UGGT2: variants seen among roughly 807,000 people sequenced by gnomAD.
The protein encoded by UGGT2 is UDP-glucose glycoprotein glucosyltransferase 2.
Under a neutral mutation model 192.1 loss-of-function variants are expected in UGGT2, and 180 were observed. The ratio of observed to expected loss-of-function variants is 0.94; its 90% confidence interval spans 0.83 to 1.06. The LOEUF is 1.06. Among genes scored for constraint, UGGT2 ranks in the 50% least tolerant of loss-of-function variants. UGGT2 has a pLI of 0.00. For missense variants in UGGT2, 1,849 were observed against 1,795.7 expected, an observed-to-expected ratio of 1.03 and a Z score of -0.54; for synonymous variants, 580 against 591.0, an observed-to-expected ratio of 0.98 and a Z score of 0.27.
At chr13:95,952,159 T>C (rs1417403800) in intron 12 of UGGT2, among the ~76,000 whole-genome samples, 3 of 151,428 alleles carry the variant, frequency 2.0e-5, no homozygotes, top group Non-Finnish European at 4.4e-5. Context: ...GTTTAAGAAG[T>C]AGTGCTCTAG....
intron 38 of UGGT2, among the ~76,000 whole-genome samples, chr13:95,829,185 G>A (rs578144467): frequency 5.3e-5 from 8 of 152,080 alleles, no homozygotes; most frequent in Non-Finnish European, 1.2e-4. Flanking sequence ...TAATAAGAGC[G>A]ATTTATGACA....
intron 9 of UGGT2, among the ~76,000 whole-genome samples, chr13:95,986,062 T>A (rs1161475478): frequency 2.0e-5 from 3 of 152,142 alleles, no homozygotes; most frequent in Non-Finnish European, 4.4e-5. Context: ...CTTAGATTAC[T>A]ATGCATGATT....
intron 5 of UGGT2, among the ~76,000 whole-genome samples, chr13:96,006,610 C>T (rs1298615991): frequency 1.1e-4 from 13 of 114,598 alleles, no homozygotes; most frequent in Admixed American, 2.4e-4. Context: ...GGTGACAGAG[C>T]GAGATTCTGC....
chr13:95,979,344 A>C (rs2051039965), intron 10 of UGGT2, among the ~76,000 whole-genome samples: 1 of 152,102 alleles, frequency 6.6e-6, no homozygotes, highest in Non-Finnish European at 1.5e-5. Flanking sequence ...GTTTTTGAAT[A>C]ATCTTTGCTT....
intron 4 of UGGT2, among the ~76,000 whole-genome samples, chr13:96,013,783 G>A (rs2052241095): frequency 1.3e-5 from 2 of 152,056 alleles, no homozygotes; most frequent in Admixed American, 6.5e-5. Flanking sequence ...ATTTTATGCA[G>A]TTAGGTTATA....
chr13:95,918,129 T>C, intron 20 of UGGT2, among the ~76,000 whole-genome samples: 1 of 152,154 alleles, frequency 6.6e-6, no homozygotes, highest in Non-Finnish European at 1.5e-5. Context: ...ATCGATCACA[T>C]AATTGGAAGT....
At position 95,918,035 on chromosome 13, in the gene UGGT2, G is replaced by A. The variant is rs568797651; in HGVS notation, c.2295+7645C>T. Among the ~76,000 whole-genome samples, 4 of 152,214 alleles carry A rather than the reference G, an allele frequency of 2.6e-5. No individual in the cohort carries two copies. The South Asian group carries it at 8.3e-4, about 32-fold the overall frequency. On this transcript the variant is annotated intron_variant, in intron 20 of 38. Coordinates refer to ENST00000376747, the MANE Select transcript of UGGT2 (RefSeq NM_020121.4). ...CCTGAACTCAGCTCTGGATCAAGTG[G>A]ACTTGATAGATATTTACAGAAATCT...
In UGGT2 at chr13:96,005,364, T is replaced by C. The variant is rs535183331; in HGVS notation, c.661-6057A>G. Among the ~76,000 whole-genome samples the C allele has an allele frequency of 3.3e-5, 5 of 152,238 alleles. No homozygotes were observed. In the East Asian group the frequency reaches 5.8e-4, roughly 18 times the overall value. ...TAACGTGAGAGTGTGAAGCCCCTGG[T>C]AGCTCCAGACATAGCAAGGCTGAAA... is the stretch of plus-strand genomic sequence containing the variant. On this transcript the variant is annotated intron_variant, in intron 5 of 38. Transcript: ENST00000376747.
intron 4 of UGGT2, among the ~76,000 whole-genome samples, chr13:96,018,674 T>C (rs7990451): frequency 6.6e-6 from 1 of 151,302 alleles, no homozygotes; most frequent in African/African-American, 2.4e-5. Flanking sequence ...TTTTACGAAA[T>C]TGGGACAATG....
intron 12 of UGGT2, among the ~76,000 whole-genome samples, chr13:95,966,745 C>T (rs964878604): frequency 6.6e-6 from 1 of 151,914 alleles, no homozygotes; most frequent in East Asian, 1.9e-4. Flanking sequence ...ATAATACATA[C>T]CCATGGTTAA....
At chr13:95,924,234 G>A (rs1281318220) in intron 20 of UGGT2, among the ~76,000 whole-genome samples, 3 of 151,946 alleles carry the variant, frequency 2.0e-5, no homozygotes, top group South Asian at 4.2e-4. Context: ...TATAGAAGAA[G>A]CAACTAAATC....
At chr13:95,964,753 T>C (rs942990175) in intron 12 of UGGT2, among the ~76,000 whole-genome samples, 3 of 152,044 alleles carry the variant, frequency 2.0e-5, no homozygotes, top group Admixed American at 6.5e-5. Flanking sequence ...TGGGATCTAA[T>C]TAAACTAAAG....
At chr13:95,944,966 T>G (rs1479621953) in intron 15 of UGGT2, among the ~76,000 whole-genome samples, 1 of 152,040 alleles carries the variant, frequency 6.6e-6, no homozygotes, top group Non-Finnish European at 1.5e-5. Context: ...TTGTATATTT[T>G]GAAGCTACAT....
At chr13:95,872,309 C>CA (rs987169540) in intron 29 of UGGT2, among the ~76,000 whole-genome samples, 6 of 152,178 alleles carry the variant, frequency 3.9e-5, no homozygotes, top group African/African-American at 1.4e-4. Flanking sequence ...AGAAAGTACA[C>CA]ATTGTGGGCA....
chr13:95,990,207 T>C (rs1056739814), intron 7 of UGGT2, 134 bp from the exon 8 acceptor site: 11 of 494,534 alleles, frequency 2.2e-5, no homozygotes, highest in Admixed American at 7.4e-5. Flanking sequence ...TAATCATAAA[T>C]TGTGATACAG....
chr13:95,914,612 T>TTAAA (rs2048619721), intron 20 of UGGT2, among the ~76,000 whole-genome samples: 1 of 81,024 alleles, frequency 1.2e-5, no homozygotes. Context: ...CCATCTCTAC[T>TTAAA]AAAAAAAAAA....
chr13:95,956,088 T>A (rs1402858632), intron 12 of UGGT2, among the ~76,000 whole-genome samples: 1 of 152,138 alleles, frequency 6.6e-6, no homozygotes, highest in Non-Finnish European at 1.5e-5. Context: ...GGAAATAAAA[T>A]TTAACGACAA....
At chr13:95,993,177 A>T (rs1684196250) in intron 7 of UGGT2, among the ~76,000 whole-genome samples, 1 of 152,160 alleles carries the variant, frequency 6.6e-6, no homozygotes, top group Non-Finnish European at 1.5e-5. Context: ...CTCACTTATA[A>T]GTGAGAACTA....
chr13:95,910,138 T>C (rs2048440724), intron 20 of UGGT2, among the ~76,000 whole-genome samples: 1 of 152,116 alleles, frequency 6.6e-6, no homozygotes, highest in Non-Finnish European at 1.5e-5. Flanking sequence ...TGCAAAAACA[T>C]GCCAAACTGT....
Sources: gnomAD v4.1 joint callset for allele counts (sites outside exome capture counted in the v4.1 genomes callset) on GRCh38, gnomAD v4.1.1 for gene constraint, MANE v1.5 for transcripts, NCBI Gene and HGNC (gene_info 2026-07-23, HGNC 2026-07-21) for gene names.